Variants in STIL observed in about 807,000 individuals in gnomAD.
The protein encoded by STIL is STIL centriolar assembly protein.
Under a neutral mutation model 110.1 loss-of-function variants are expected in STIL, and 55 were observed. The ratio of observed to expected loss-of-function variants is 0.50; its 90% CI spans 0.40 to 0.63. STIL has a LOEUF of 0.63. STIL is among the 20% of genes least tolerant of loss of function. The pLI is 0.00. For missense variants in STIL, 1,358 were observed against 1,530.0 expected, an observed-to-expected ratio of 0.89 and a Z score of 1.87; for synonymous variants, 481 against 530.0, an observed-to-expected ratio of 0.91 and a Z score of 1.27.
At chr1:47,261,454 T>C (rs1377463372) in intron 15 of STIL, among the ~76,000 whole-genome samples, 2 of 147,982 alleles carry the variant, frequency 1.4e-5, no homozygotes, top group Non-Finnish European at 3.0e-5. Flanking sequence ...TTAAAAATCA[T>C]TTGAGTACAG....
At position 47,271,050 on chromosome 1, in the gene STIL, C is replaced by CT. The variant is rs561186578; in HGVS notation, c.2383+1025dup. 4.0e-3 allele frequency among the ~76,000 whole-genome samples: 608 copies of CT among 152,150 alleles called. 3 individuals are homozygous for CT. The highest frequency in any genetic ancestry group is 0.014 in the African/African-American group (583 of 41,512). On this transcript the variant is annotated intron_variant, in intron 13 of 16. Coordinates refer to ENST00000371877, the MANE Select transcript of STIL (RefSeq NM_001048166.1). ...TTGCATGTAATATTGTTTACTTACT[C>CT]TTTCTTTAAATTAACTCTTTTTTTA... is the stretch of plus-strand genomic sequence containing the variant.
chr1:47,280,331 A>G lies in STIL; in HGVS notation c.2127T>C (p.Thr709=). ...GTCCCATCATTCCATTATCTGACTC[A>G]GTCTTGGGTGTGTGCATGCACACTG... ...PCTVCMHTPK[T]ESDNGMMGLS... Residue 709 remains threonine (T), a synonymous_variant, in exon 12 of 17, where the codon ACT becomes ACC. Transcript: ENST00000371877. 6.2e-7 allele frequency: 1 copy of G among 1,614,246 alleles called. No homozygotes were observed. Among genetic ancestry groups the G allele is most frequent in the Non-Finnish European group, 8.5e-7 (1 of 1,180,040 alleles).
intron 7 of STIL, among the ~76,000 whole-genome samples, chr1:47,294,835 G>A (rs1399804685): frequency 6.6e-6 from 1 of 152,210 alleles, no homozygotes; most frequent in African/African-American, 2.4e-5. Context: ...GAGTTCTTTA[G>A]GGTGACTTAA....
chr1:47,298,991 C>G (rs986760091), intron 6 of STIL, among the ~76,000 whole-genome samples: 7 of 151,414 alleles, frequency 4.6e-5, no homozygotes, highest in Non-Finnish European at 8.8e-5. Context: ...CCTCGTGATC[C>G]ACCCGCCTCG....
intron 16 of STIL, among the ~76,000 whole-genome samples, chr1:47,257,949 T>C (rs1216184442): frequency 1.3e-5 from 2 of 152,268 alleles, no homozygotes; most frequent in African/African-American, 4.8e-5. Flanking sequence ...CATGTATATG[T>C]GTAGCTGGTA....
chr1:47,274,616 C>T (rs2148900962), intron 12 of STIL, among the ~76,000 whole-genome samples: 1 of 148,722 alleles, frequency 6.7e-6, no homozygotes, highest in Middle Eastern at 3.5e-3. Flanking sequence ...CACACCCAGC[C>T]TCTTTCTCAG....
chr1:47,296,311 C>A (rs1330495197), intron 6 of STIL, among the ~76,000 whole-genome samples: 1 of 152,166 alleles, frequency 6.6e-6, no homozygotes, highest in Non-Finnish European at 1.5e-5. Context: ...TATGATCAAC[C>A]TTCCATGTGC....
intron 2 of STIL, among the ~76,000 whole-genome samples, chr1:47,308,225 T>G (rs1248021590): frequency 2.6e-5 from 4 of 152,100 alleles, no homozygotes; most frequent in African/African-American, 4.8e-5. Flanking sequence ...TTTTGTGGCT[T>G]GTGGGGCATC....
chr1:47,263,402 G>A (rs1211557462), intron 14 of STIL, among the ~76,000 whole-genome samples: 1 of 152,128 alleles, frequency 6.6e-6, no homozygotes, highest in Non-Finnish European at 1.5e-5. Flanking sequence ...TTAATTAGCT[G>A]GGTGTGACAC....
At chr1:47,313,248 C>CG (rs1646188952) in intron 1 of STIL, 1 of 152,124 alleles carries the variant, frequency 6.6e-6, no homozygotes, top group Admixed American at 6.5e-5. Flanking sequence ...CGCTTGAACC[C>CG]GGGGGACGGA....
At chr1:47,310,796 G>GA (rs200156728) in intron 1 of STIL, among the ~76,000 whole-genome samples, 40 of 151,734 alleles carry the variant, frequency 2.6e-4, no homozygotes, top group Admixed American at 2.0e-3. Flanking sequence ...ATCTTCATTG[G>GA]AAAAAAAACA....
upstream of STIL, chr1:47,314,296 C>T (rs1646225727): frequency 6.6e-6 from 1 of 152,324 alleles, no homozygotes; most frequent in African/African-American, 2.4e-5. Flanking sequence ...CAGCGCCCCG[C>T]ACTGGTTCCG....
chr1:47,289,283 GAATA>G (rs1392376389), intron 9 of STIL, 148 bp downstream of exon 9: 9 of 500,226 alleles, frequency 1.8e-5, no homozygotes, highest in Non-Finnish European at 2.7e-5. Context: ...AACCATAAAT[GAATA>G]AAGTTAATAT....
At chr1:47,289,964 AAG>A (rs1645433403) in intron 8 of STIL, among the ~76,000 whole-genome samples, 1 of 151,614 alleles carries the variant, frequency 6.6e-6, no homozygotes, top group African/African-American at 2.4e-5. Flanking sequence ...AAAAAGGAAT[AAG>A]AGAGCAATTC....
rs56253074 is a variant in STIL, at chr1:47,270,255, T to TACACACACAC, written c.2384-399_2384-390dup. The stretch of plus-strand genomic sequence containing the variant: ...AAAAAAAAAAAAATATATATATATA[T>TACACACACAC]ACACACACACACACACACACACACA... On this transcript the variant is annotated intron_variant, in intron 13 of 16. Transcript: ENST00000371877. 1.6e-3 allele frequency among the ~76,000 whole-genome samples: 196 copies of TACACACACAC among 119,360 alleles called. 1 individual carries two copies. The highest frequency in any genetic ancestry group is 3.2e-3 in the African/African-American group (98 of 30,366). 78.3% of individuals were successfully genotyped at this position (119,360 alleles called of 152,430 possible).
At chr1:47,285,005 G>A (rs1404847875) in intron 10 of STIL, among the ~76,000 whole-genome samples, 1 of 147,902 alleles carries the variant, frequency 6.8e-6, no homozygotes, top group Non-Finnish European at 1.5e-5. Flanking sequence ...CAGCCTACCT[G>A]TAGACATTTT....
At chr1:47,313,828 G>A (rs1646211166) in intron 1 of STIL, among the ~76,000 whole-genome samples, 1 of 152,204 alleles carries the variant, frequency 6.6e-6, no homozygotes, top group South Asian at 2.1e-4. Flanking sequence ...GTTATCGACT[G>A]CAAACCTCTT....
intron 5 of STIL, 83 bp downstream of exon 5, chr1:47,301,478 A>C (rs1645802292): frequency 7.3e-7 from 1 of 1,361,276 alleles, no homozygotes; most frequent in Non-Finnish European, 1.0e-6. Flanking sequence ...TCATTCTCAA[A>C]TATGGTTTTA....
chr1:47,252,778 TACACACACAC>T lies in STIL; in HGVS notation c.3081-866_3081-857del, dbSNP rs3043070. Reference sequence around the variant, plus strand: ...CAACCAGTCTCTGGATATGGGCTTATACACACACACACACACACACACACACACACACACA... The same window carrying T: ...CAACCAGTCTCTGGATATGGGCTTATACACACACACACACACACACACACA... On this transcript the variant is annotated intron_variant, in intron 16 of 16. Transcript: ENST00000371877. Among the ~76,000 whole-genome samples, 135 of 140,190 alleles carry T rather than the reference TACACACACAC, an allele frequency of 9.6e-4. 2 individuals carry two copies. The highest frequency in any genetic ancestry group is 2.6e-3 in the African/African-American group (98 of 38,360). 92.0% of individuals were successfully genotyped at this position (140,190 alleles called of 152,430 possible).
Sources: allele counts gnomAD v4.1 joint callset (sites outside exome capture counted in the v4.1 genomes callset), GRCh38; gene constraint gnomAD v4.1.1; transcripts MANE v1.5; gene names NCBI Gene and HGNC (gene_info 2026-07-23, HGNC 2026-07-21).